The following PTPN3 variants were observed in gnomAD, a reference collection of about 807,000 sequenced individuals.
PTPN3 encodes tyrosine-protein phosphatase non-receptor type 3.
Under a neutral mutation model 132.7 loss-of-function variants are expected in PTPN3, and 96 were observed. The ratio of observed to expected loss-of-function variants is 0.72; its 90% CI spans 0.61 to 0.86. The LOEUF (loss-of-function observed/expected upper bound fraction) is 0.86. Among genes scored for constraint, PTPN3 ranks in the 40% least tolerant of loss-of-function variants. The pLI is 0.00. For synonymous variants in PTPN3, 398 were observed against 429.0 expected, an observed-to-expected ratio of 0.93 and a Z score of 0.89; for missense variants, 1,125 against 1,159.6, an observed-to-expected ratio of 0.97 and a Z score of 0.43.
intron 22 of PTPN3, among the ~76,000 whole-genome samples, chr9:109,386,219 G>A (rs1422187801): frequency 6.6e-6 from 1 of 151,706 alleles, no homozygotes; most frequent in Non-Finnish European, 1.5e-5. Flanking sequence ...ACAGGAGAGG[G>A]AGGAAAAGGG....
At chr9:109,428,929 A>G (rs1409112963) in intron 10 of PTPN3, 5 of 985,228 alleles carry the variant, frequency 5.1e-6, no homozygotes, top group Non-Finnish European at 6.0e-6. Context: ...AATAACAAGA[A>G]ACATAGGCCA....
the PTPN3 span, among the ~76,000 whole-genome samples, chr9:109,524,777 G>A: frequency 2.0e-5 from 3 of 151,984 alleles, no homozygotes; most frequent in African/African-American, 7.2e-5. Flanking sequence ...TCGCTCTGTC[G>A]CCCAGTCTGG....
chr9:109,492,625 G>A (rs1401061165), intron 1 of PTPN3, among the ~76,000 whole-genome samples: 1 of 152,250 alleles, frequency 6.6e-6, no homozygotes, highest in Non-Finnish European at 1.5e-5. Context: ...CAGGGTGGAA[G>A]TTGATTATAC....
chr9:109,476,145 G>A (rs547794218), intron 1 of PTPN3, among the ~76,000 whole-genome samples: 6 of 152,140 alleles, frequency 3.9e-5, no homozygotes, highest in Admixed American at 2.0e-4. Flanking sequence ...TATTAGGTTC[G>A]GTAACCCTGC....
At chr9:109,449,293 C>T (rs1588446104) in intron 5 of PTPN3, 5 of 990,844 alleles carry the variant, frequency 5.0e-6, no homozygotes, top group African/African-American at 1.7e-5. Flanking sequence ...ACCCAAGCTC[C>T]ATCTGCATGA....
At chr9:109,526,179 C>T in the PTPN3 span, among the ~76,000 whole-genome samples, 1 of 152,178 alleles carries the variant, frequency 6.6e-6, no homozygotes, top group East Asian at 1.9e-4. Context: ...GACCAGTACA[C>T]TGACAACCAT....
intron 19 of PTPN3, among the ~76,000 whole-genome samples, chr9:109,399,308 T>G (rs964984600): frequency 2.6e-5 from 4 of 152,212 alleles, no homozygotes; most frequent in African/African-American, 4.8e-5. Flanking sequence ...ATTACAAGCA[T>G]GAGCAACTAT....
chr9:109,414,392 A>G (rs1842317786), intron 14 of PTPN3, among the ~76,000 whole-genome samples: 1 of 152,244 alleles, frequency 6.6e-6, no homozygotes, highest in South Asian at 2.1e-4. Flanking sequence ...CTGTGGCCAC[A>G]GCTGGAATAG....
chr9:109,412,623 T>C (rs1333761593), intron 14 of PTPN3, among the ~76,000 whole-genome samples: 1 of 152,108 alleles, frequency 6.6e-6, no homozygotes, highest in East Asian at 1.9e-4. Context: ...TCCACCTGCC[T>C]CGGCCTCCCA....
At chr9:109,501,003 G>A (rs565659572), upstream of PTPN3, among the ~76,000 whole-genome samples, 116 of 152,008 alleles carry the variant, frequency 7.6e-4, no homozygotes, top group African/African-American at 2.7e-3. Flanking sequence ...ACCAAGACTG[G>A]AAGGAAATAT....
intron 14 of PTPN3, among the ~76,000 whole-genome samples, chr9:109,418,782 AC>A (rs1050704203): frequency 6.6e-6 from 1 of 152,086 alleles, no homozygotes; most frequent in Non-Finnish European, 1.5e-5. Context: ...ATCTGAATAG[AC>A]AACTGGGGCT....
At chr9:109,457,437 A>T (rs756902307) in intron 2 of PTPN3, 38 bp from the exon 3 acceptor site, 6 of 1,537,778 alleles carry the variant, frequency 3.9e-6, no homozygotes, top group Non-Finnish European at 5.4e-6. Flanking sequence ...AAAAGTCTTA[A>T]ATTAATTGGT....
At chr9:109,381,357 G>T (rs1051377458) in intron 25 of PTPN3, among the ~76,000 whole-genome samples, 1 of 152,196 alleles carries the variant, frequency 6.6e-6, no homozygotes, top group African/African-American at 2.4e-5. Flanking sequence ...GGAGTACCCA[G>T]GTCTAGGTGG....
At chr9:109,414,484 T>C (rs918947896) in intron 14 of PTPN3, among the ~76,000 whole-genome samples, 1 of 152,232 alleles carries the variant, frequency 6.6e-6, no homozygotes, top group African/African-American at 2.4e-5. Context: ...ATTTCCCACA[T>C]GGCTCCTCAC....
At chr9:109,519,910 G>A in the PTPN3 span, among the ~76,000 whole-genome samples, 1 of 152,320 alleles carries the variant, frequency 6.6e-6, no homozygotes, top group Admixed American at 6.5e-5. Flanking sequence ...TGTAATCCCA[G>A]CACTTTGGGA....
chr9:109,528,876 C>T, the PTPN3 span, among the ~76,000 whole-genome samples: 20,613 of 152,036 alleles, frequency 0.14, 1,583 homozygotes, highest in Middle Eastern at 0.24. Context: ...AATTCTACTT[C>T]CTTGTGTGTT....
Position 109,408,802 on chromosome 9 carries a change from T to A in PTPN3, c.1579-425A>T, listed in dbSNP as rs1383274748. ...TAATTAAAAAAAAAAAAAAAATATA[T>A]ATATATATATATATATGGGCTTTAT... On this transcript the variant is annotated intron_variant, in intron 16 of 25. Transcript: ENST00000374541. Among the ~76,000 whole-genome samples the A allele has an allele frequency of 2.1e-3, 226 of 105,950 alleles. 5 individuals carry two copies. The highest frequency in any genetic ancestry group is 3.9e-3 in the Non-Finnish European group (187 of 48,024). The allele number at this position is 105,950 out of a possible 152,430, so 69.5% of individuals were successfully genotyped here. A position where few individuals can be genotyped will look rare whatever the true frequency, so the allele number is the denominator to read the frequency against.
chr9:109,462,580 C>A (rs1403923457), intron 2 of PTPN3, among the ~76,000 whole-genome samples: 1 of 152,016 alleles, frequency 6.6e-6, no homozygotes, highest in Non-Finnish European at 1.5e-5. Context: ...TGGAAGAGGT[C>A]ATGGGCAAAG....
At chr9:109,466,366 G>A (rs540565670) in intron 1 of PTPN3, among the ~76,000 whole-genome samples, 39 of 152,312 alleles carry the variant, frequency 2.6e-4, no homozygotes, top group Admixed American at 3.9e-4. Flanking sequence ...AGCTAGCTAC[G>A]GTAGTGTGCA....
Sources: allele counts gnomAD v4.1 joint callset (sites outside exome capture counted in the v4.1 genomes callset), GRCh38; gene constraint gnomAD v4.1.1; transcripts MANE v1.5; gene names NCBI Gene and HGNC (gene_info 2026-07-23, HGNC 2026-07-21).